The following KDM2B variants were observed in gnomAD, a reference collection of about 807,000 sequenced individuals.
KDM2B encodes lysine-specific demethylase 2B.
A neutral mutation model predicts 150.0 loss-of-function variants in KDM2B; 26 were observed. The ratio of observed to expected loss-of-function variants is 0.17; its 90% CI spans 0.13 to 0.24. KDM2B has a LOEUF of 0.24. KDM2B is among the 10% of genes least tolerant of loss of function. KDM2B has a pLI of 1.00. For synonymous variants in KDM2B, 734 were observed against 729.5 expected (o/e 1.01, Z -0.10); for missense variants, 1,265 against 1,816.9 (o/e 0.70, Z 5.52).
In KDM2B at chr12:121,493,059, C is replaced by CTTTT. The variant is rs61628112; in HGVS notation, c.1734+1516_1734+1519dup. Among the ~76,000 whole-genome samples, 63 of 54,074 alleles carry CTTTT rather than the reference C, an allele frequency of 1.2e-3. 18 individuals are homozygous for CTTTT. Among genetic ancestry groups the CTTTT allele is most frequent in the African/African-American group, 7.1e-3 (59 of 8,342 alleles). The allele number at this position is 54,074 out of a possible 152,430, so 35.5% of individuals were successfully genotyped here. ...TACAGGCATGCACTATCATGCCTGG[C>CTTTT]TTTTTTTTTTTTTTTTTTTTTTTTT... On this transcript the variant is annotated intron_variant, in intron 12 of 22. Coordinates refer to ENST00000377071, the MANE Select transcript of KDM2B (RefSeq NM_032590.5).
chr12:121,491,029 G>A (rs1377605462), intron 12 of KDM2B, among the ~76,000 whole-genome samples: 4 of 152,222 alleles, frequency 2.6e-5, no homozygotes, highest in South Asian at 2.1e-4. Flanking sequence ...CAGAGACCCC[G>A]GGCAGCCCAG....
chr12:121,493,136 G>A (rs373612616), intron 12 of KDM2B, among the ~76,000 whole-genome samples: 2 of 130,116 alleles, frequency 1.5e-5, no homozygotes, highest in African/African-American at 6.2e-5. Flanking sequence ...TTGAACTCCT[G>A]GGCTCAGGTG....
the KDM2B span, among the ~76,000 whole-genome samples, chr12:121,410,224 G>A: frequency 4.6e-5 from 7 of 151,646 alleles, no homozygotes; most frequent in African/African-American, 1.7e-4. Flanking sequence ...TTAAAGGGGA[G>A]ATGGAAATTA....
At chr12:121,497,466 G>A (rs1373345555) in intron 11 of KDM2B, among the ~76,000 whole-genome samples, 6 of 151,910 alleles carry the variant, frequency 3.9e-5, no homozygotes, top group Non-Finnish European at 5.9e-5. Context: ...CACCACCCCT[G>A]GCTAATTTTT....
At chr12:121,448,795 G>A (rs761636869) in intron 13 of KDM2B, among the ~76,000 whole-genome samples, 3 of 152,206 alleles carry the variant, frequency 2.0e-5, no homozygotes, top group Admixed American at 1.3e-4. Context: ...AAGGTCCTGG[G>A]GCCACAGGAG....
chr12:121,556,090 C>A (rs1889871740), intron 4 of KDM2B, among the ~76,000 whole-genome samples: 1 of 151,910 alleles, frequency 6.6e-6, no homozygotes, highest in Non-Finnish European at 1.5e-5. Context: ...CCACGCCTGG[C>A]TAATTTTTTG....
At chr12:121,480,788 A>G (rs1425967444) in intron 12 of KDM2B, among the ~76,000 whole-genome samples, 4 of 151,842 alleles carry the variant, frequency 2.6e-5, no homozygotes, top group African/African-American at 9.7e-5. Flanking sequence ...CCCAAAAAAC[A>G]AAAAAACAGA....
At chr12:121,418,994 G>A in the KDM2B span, among the ~76,000 whole-genome samples, 3 of 152,126 alleles carry the variant, frequency 2.0e-5, no homozygotes, top group Admixed American at 6.5e-5. Flanking sequence ...TGAGCCAACC[G>A]CGCCTGGCCA....
intron 3 of KDM2B, among the ~76,000 whole-genome samples, chr12:121,574,976 A>C (rs1474104754): frequency 6.6e-6 from 1 of 152,252 alleles, no homozygotes; most frequent in Non-Finnish European, 1.5e-5. Flanking sequence ...CCCTCTAGAA[A>C]ATACTCTCCA....
chr12:121,430,075 A>C lies in KDM2B; in HGVS notation c.*213T>G. On this transcript the variant is annotated 3_prime_UTR_variant, in exon 23 of 23. Transcript: ENST00000377071. The surrounding 1 kb of genome is among the most constrained non-coding windows in gnomAD (Gnocchi z 4.4). The stretch of plus-strand genomic sequence containing the variant: ...CCGCCTTAGAAATGGTCCAGAAAGC[A>C]GTGCAGTTACGATTCAGAAAGACCA... 1 of 1,512,942 alleles carries C rather than the reference A, an allele frequency of 6.6e-7. No homozygotes were observed. Among genetic ancestry groups the C allele is most frequent in the Non-Finnish European group, 9.2e-7 (1 of 1,087,584 alleles). The allele number at this position is 1,512,942 out of a possible 1,614,324, so 93.7% of individuals were successfully genotyped here.
intron 12 of KDM2B, among the ~76,000 whole-genome samples, chr12:121,491,770 GTGACAAGA>G (rs1883383057): frequency 1.4e-5 from 2 of 147,936 alleles, no homozygotes; most frequent in East Asian, 2.0e-4. Flanking sequence ...CTCCAGCCTG[GTGACAAGA>G]GCAAGATTCC....
chr12:121,579,143 G>C (rs1486649382), intron 1 of KDM2B, among the ~76,000 whole-genome samples, 197 bp from the exon 2 acceptor site: 1 of 152,276 alleles, frequency 6.6e-6, no homozygotes, highest in African/African-American at 2.4e-5. Flanking sequence ...CGAGGGTCCA[G>C]CTGCGCTCTA....
rs1287218372 is a variant in KDM2B, at chr12:121,533,825, C to A, written c.777+672G>T. 3.9e-5 allele frequency among the ~76,000 whole-genome samples: 6 copies of A among 152,172 alleles called. No homozygotes were observed. Among genetic ancestry groups the A allele is most frequent in the Admixed American group, 3.9e-4 (6 of 15,282 alleles). On this transcript the variant is annotated intron_variant, in intron 7 of 22. Coordinates refer to ENST00000377071, the MANE Select transcript of KDM2B (RefSeq NM_032590.5). The surrounding 1 kb of genome is among the most constrained non-coding windows in gnomAD (Gnocchi z 4.1). Reference sequence around the variant, plus strand: ...GAGGAGGTGGTTCTAGGGAAAGAAGCGACCCTGGGCCAGGAGCCATGGCCC... The same window carrying A: ...GAGGAGGTGGTTCTAGGGAAAGAAGAGACCCTGGGCCAGGAGCCATGGCCC...
chr12:121,569,740 GCAC>G (rs1555315619), intron 4 of KDM2B, among the ~76,000 whole-genome samples: 1 of 152,186 alleles, frequency 6.6e-6, no homozygotes, highest in Non-Finnish European at 1.5e-5. Flanking sequence ...CCTCTGCAAA[GCAC>G]TTGAACATTC....
At chr12:121,565,128 C>T (rs560174138) in intron 4 of KDM2B, among the ~76,000 whole-genome samples, 2 of 152,148 alleles carry the variant, frequency 1.3e-5, no homozygotes, top group Admixed American at 6.6e-5. Flanking sequence ...CCACCACGCC[C>T]GGCCTGAAAA....
chr12:121,499,545 G>A (rs1884314945), intron 11 of KDM2B, among the ~76,000 whole-genome samples: 1 of 152,004 alleles, frequency 6.6e-6, no homozygotes, highest in African/African-American at 2.4e-5. Context: ...TAGCTTCTTG[G>A]GGAGATTGAG....
the KDM2B span, among the ~76,000 whole-genome samples, chr12:121,411,104 T>C: frequency 6.6e-6 from 1 of 152,192 alleles, no homozygotes; most frequent in Non-Finnish European, 1.5e-5. Flanking sequence ...TGGCTAATTT[T>C]ATTTTTTGTA....
chr12:121,430,092 GAAAGACC>G lies in KDM2B; in HGVS notation c.*189_*195del. ...CAGAAAGCAGTGCAGTTACGATTCA[GAAAGACC>G]AAAGGAAAGTGTCGGCTCACTCATC... On this transcript the variant is annotated 3_prime_UTR_variant, in exon 23 of 23. Transcript: ENST00000377071. The surrounding 1 kb of genome is among the most constrained non-coding windows in gnomAD (Gnocchi z 4.4). 6.3e-7 allele frequency: 1 copy of G among 1,592,498 alleles called. No individual in the cohort carries two copies. The highest frequency in any genetic ancestry group is 8.6e-7 in the Non-Finnish European group (1 of 1,160,322).
Position 121,549,405 on chromosome 12 carries a change from G to A in KDM2B, c.576+55C>T, listed in dbSNP as rs1889314039. 5 of 1,485,436 alleles carry A rather than the reference G, an allele frequency of 3.4e-6. No individual in the cohort carries two copies. In the South Asian group the frequency reaches 6.6e-5, roughly 20 times the overall value. 92.0% of individuals were successfully genotyped at this position (1,485,436 alleles called of 1,614,324 possible). On this transcript the variant is annotated intron_variant, in intron 5 of 22. Transcript: ENST00000377071. The surrounding 1 kb of genome is among the most constrained non-coding windows in gnomAD (Gnocchi z 4.4). The stretch of plus-strand genomic sequence containing the variant: ...GCACAACCCAGGTGGCAGGGGGACA[G>A]GGAAGGAGATGAGGTGGAAGGTATC...
Sources: gnomAD v4.1 joint callset for allele counts (sites outside exome capture counted in the v4.1 genomes callset) on GRCh38, gnomAD v4.1.1 for gene constraint, Gnocchi (gnomAD v3.1) non-coding constraint, MANE v1.5 for transcripts, NCBI Gene and HGNC (gene_info 2026-07-23, HGNC 2026-07-21) for gene names.